The following ARHGEF17 variants were observed in gnomAD, a reference collection of about 807,000 sequenced individuals.
ARHGEF17 encodes the protein 164 kDa Rho-specific guanine-nucleotide exchange factor.
ARHGEF17 carries 80 observed loss-of-function variants against 174.0 expected under a neutral mutation model. That is an observed-to-expected ratio of 0.46 (90% CI 0.38 to 0.55). The LOEUF (loss-of-function observed/expected upper bound fraction) is 0.55. Ranked by LOEUF, ARHGEF17 falls within the 20% of genes least tolerant of loss-of-function variation. The pLI, the probability that ARHGEF17 is intolerant of heterozygous loss-of-function variation, is 0.00. For missense variants in ARHGEF17, 2,886 were observed against 2,839.7 expected (o/e 1.02, Z -0.37); for synonymous variants, 1,311 against 1,189.1 (o/e 1.10, Z -2.11).
Position 73,311,576 on chromosome 11 carries a change from C to A in ARHGEF17, c.2938C>A (p.Pro980Thr), listed in dbSNP as rs1298226323. 6.2e-7 allele frequency: 1 copy of A among 1,613,622 alleles called. No individual in the cohort carries two copies. Among genetic ancestry groups the A allele is most frequent in the African/African-American group, 1.3e-5 (1 of 75,042 alleles). Residue 980 changes from proline to threonine, a missense_variant, in exon 1 of 21, where the codon CCC becomes ACC. Physicochemically the swap from Pro to Thr is conservative, Grantham distance 38. Transcript: ENST00000263674. The stretch of plus-strand genomic sequence containing the variant: ...GCCTGAGCCACCAACTTCTGTTGGT[C>A]CCCCTGTGGCTGTGCCAGAACCCAT... ...VVPEPPTSVGPPVAVPEPIGF... is the reference protein window; with the variant it reads ...VVPEPPTSVGTPVAVPEPIGF...
At position 73,362,458 on chromosome 11, in the gene ARHGEF17, C is replaced by T. The variant is rs1007519319; in HGVS notation, c.4720C>T (p.Pro1574Ser). The change falls in exon 14 of 21, where the codon CCT becomes TCT. Residue 1574 changes from proline (P) to serine (S), a missense_variant. Physicochemically the swap from Pro to Ser is moderately conservative, Grantham distance 74. This residue lies in a region of ARHGEF17 where 476 missense variants were observed against 473.1 expected (regional missense o/e 1.01). Transcript: ENST00000263674. ...HREPPPSLRS[P>S]PETAPEPAGP... ...GGAGCCTCCTCCGTCGCTGAGGAGT[C>T]CTCCAGAGACGGCACCGGAGCCCGC... 4.4e-6 allele frequency: 7 copies of T among 1,583,576 alleles called. No individual in the cohort carries two copies. The highest frequency in any genetic ancestry group is 1.3e-5 in the African/African-American group (1 of 74,512).
chr11:73,342,502 T>C (rs962000151), intron 1 of ARHGEF17, among the ~76,000 whole-genome samples: 11 of 152,150 alleles, frequency 7.2e-5, no homozygotes, highest in Non-Finnish European at 1.6e-4. Flanking sequence ...CATGTTCGTT[T>C]CTGTCAAGGT....
In ARHGEF17 at chr11:73,367,975, C is replaced by A; in HGVS notation, c.*195C>A. 2 of 582,982 alleles carry A rather than the reference C, an allele frequency of 3.4e-6. No homozygotes were observed. Among genetic ancestry groups the A allele is most frequent in the South Asian group, 2.5e-5 (1 of 40,194 alleles). The allele number at this position is 582,982 out of a possible 1,614,324, so 36.1% of individuals were successfully genotyped here. On this transcript the variant is annotated 3_prime_UTR_variant, in exon 21 of 21. Transcript: ENST00000263674. Reference sequence around the variant, plus strand: ...CCAGCCAGGCCATGGCTTCTCCCGACCCTCTGGCTGCCCCGGTGCTTCCAG... The same window carrying A: ...CCAGCCAGGCCATGGCTTCTCCCGAACCTCTGGCTGCCCCGGTGCTTCCAG...
Position 73,355,520 on chromosome 11 carries a change from T to C in ARHGEF17, c.3454-13T>C, listed in dbSNP as rs780529438. ...ACACCTTGAGGGTCCCCAACCTGCCTCCTCCTCCACAGTTCTCCAAGGATG... is the reference window on the plus strand; with the variant it reads ...ACACCTTGAGGGTCCCCAACCTGCCCCCTCCTCCACAGTTCTCCAAGGATG... On this transcript the variant is annotated splice_polypyrimidine_tract_variant and intron_variant, in intron 3 of 20. Transcript: ENST00000263674. 9 of 1,602,732 alleles carry C rather than the reference T, an allele frequency of 5.6e-6. No homozygotes were observed. The highest frequency in any genetic ancestry group is 7.7e-6 in the Non-Finnish European group (9 of 1,169,692).
chr11:73,332,554 G>C (rs142005925), intron 1 of ARHGEF17, among the ~76,000 whole-genome samples: 18 of 152,294 alleles, frequency 1.2e-4, no homozygotes, highest in African/African-American at 3.8e-4. Context: ...CCTTGAGGTT[G>C]TCGCCAGTTT....
At chr11:73,366,342 C>T (rs1040611080) in intron 20 of ARHGEF17, among the ~76,000 whole-genome samples, 1 of 152,146 alleles carries the variant, frequency 6.6e-6, no homozygotes, top group Admixed American at 6.5e-5. Flanking sequence ...GAAGTGGAAT[C>T]AGGAAGTGAT....
At position 73,343,744 on chromosome 11, in the gene ARHGEF17, C is replaced by G. The variant is rs554887661; in HGVS notation, c.3193-3139C>G. On this transcript the variant is annotated intron_variant, in intron 1 of 20. Transcript: ENST00000263674. ...CCCGTTCTCGCTCAGTGTGTGTACC[C>G]CTGCAGGGGAGGGGAGGCGTCTTGG... 1.1e-4 allele frequency among the ~76,000 whole-genome samples: 16 copies of G among 152,236 alleles called. No individual in the cohort carries two copies. In the South Asian group the frequency reaches 3.3e-3, roughly 32 times the overall value.
In ARHGEF17 at chr11:73,311,810, T is replaced by A; in HGVS notation, c.3172T>A (p.Cys1058Ser). ...PADEPTPASKCCSKPQVDMRK... is the reference protein window; with the variant it reads ...PADEPTPASKSCSKPQVDMRK... ...AGATGAGCCTACCCCTGCCAGCAAGTGCTGCAGCAAGCCACAGGTGGTGAG... is the reference window on the plus strand; with the variant it reads ...AGATGAGCCTACCCCTGCCAGCAAGAGCTGCAGCAAGCCACAGGTGGTGAG... Residue 1058 changes from cysteine to serine, a missense_variant, in exon 1 of 21, where the codon TGC (cysteine) becomes AGC (serine). Around this residue, in one of 4 missense-constraint regions of ARHGEF17, gnomAD observed 353 missense variants for 470.3 expected, o/e 0.75. Transcript: ENST00000263674. 3.1e-6 allele frequency: 5 copies of A among 1,604,394 alleles called. No homozygotes were observed. Among genetic ancestry groups the A allele is most frequent in the Non-Finnish European group, 4.3e-6 (5 of 1,173,214 alleles).
chr11:73,356,713 A>G lies in ARHGEF17; in HGVS notation c.3845A>G (p.Gln1282Arg), dbSNP rs1865647732. ...EAHIEGMEDL[Q>R]APLRRFLRQE... ...CTTGTCCCTCCTGTCCCACAGCTCC[A>G]GGCCCCTCTGCGGCGGTTCCTGAGA... Residue 1282 changes from glutamine (Q) to arginine (R), a missense_variant, in exon 7 of 21, where the codon CAG becomes CGG. Gln to Arg is a conservative substitution (Grantham distance 43). Coordinates refer to ENST00000263674, the MANE Select transcript of ARHGEF17 (RefSeq NM_014786.4). 1.2e-6 allele frequency: 2 copies of G among 1,613,980 alleles called. No homozygotes were observed. Among genetic ancestry groups the G allele is most frequent in the South Asian group, 2.2e-5 (2 of 91,078 alleles).
At position 73,310,451 on chromosome 11, in the gene ARHGEF17, A is replaced by G. The variant is rs1565184301; in HGVS notation, c.1813A>G (p.Met605Val). Reference protein sequence around the residue: ...ARQVFEKIQRMGAQQDDGSDA... With the variant: ...ARQVFEKIQRVGAQQDDGSDA... ...CCAGGTTTTTGAGAAGATCCAGCGC[A>G]TGGGTGCCCAACAAGATGATGGAAG... The change falls in exon 1 of 21, where the codon ATG becomes GTG. Residue 605 changes from methionine (M) to valine (V), a missense_variant. Around this residue, in one of 4 missense-constraint regions of ARHGEF17, gnomAD observed 1,728 missense variants for 1,461.2 expected, o/e 1.18. Transcript: ENST00000263674. 4 of 1,614,002 alleles carry G rather than the reference A, an allele frequency of 2.5e-6. No homozygotes were observed. The highest frequency in any genetic ancestry group is 4.5e-5 in the East Asian group (2 of 44,874).
chr11:73,342,597 C>G (rs1270348471), intron 1 of ARHGEF17, among the ~76,000 whole-genome samples: 1 of 152,064 alleles, frequency 6.6e-6, no homozygotes, highest in African/African-American at 2.4e-5. Flanking sequence ...GGGCAGGTTT[C>G]CATGAACGTG....
chr11:73,331,713 A>G (rs1417806742), intron 1 of ARHGEF17, among the ~76,000 whole-genome samples: 1 of 152,108 alleles, frequency 6.6e-6, no homozygotes, highest in Non-Finnish European at 1.5e-5. Context: ...GCTGCCAACA[A>G]ATGCTACTCT....
Position 73,360,017 on chromosome 11 carries a change from A to G in ARHGEF17, c.4206+65A>G, listed in dbSNP as rs113173052. 2.3e-5 allele frequency: 32 copies of G among 1,414,568 alleles called. No homozygotes were observed. The African/African-American group carries it at 2.4e-4, about 11-fold the overall frequency. The allele number at this position is 1,414,568 out of a possible 1,614,324, so 87.6% of individuals were successfully genotyped here. ...GGAGGCTTCTGACCCTGTCTGAGAG[A>G]TAGACAGCCCTGACATTTGCCTGAG... is the stretch of plus-strand genomic sequence containing the variant. On this transcript the variant is annotated intron_variant, in intron 10 of 20. Transcript: ENST00000263674.
rs1292959176 is a variant in ARHGEF17, at chr11:73,368,472, GCTGA to G, written c.*695_*698del. Reference sequence around the variant, plus strand: ...TGCCCTCAGTCCTCTAGATCAAGATGCTGACTATTAGGGGGCAGTGATTGCCATC... The same window carrying G: ...TGCCCTCAGTCCTCTAGATCAAGATGCTATTAGGGGGCAGTGATTGCCATC... On this transcript the variant is annotated 3_prime_UTR_variant, in exon 21 of 21. Coordinates refer to ENST00000263674, the MANE Select transcript of ARHGEF17 (RefSeq NM_014786.4). 6.6e-6 allele frequency: 1 copy of G among 152,158 alleles called. No individual in the cohort carries two copies. Among genetic ancestry groups the G allele is most frequent in the East Asian group, 1.9e-4 (1 of 5,194 alleles). 9.4% of individuals were successfully genotyped at this position (152,158 alleles called of 1,614,324 possible). A position where few individuals can be genotyped will look rare whatever the true frequency, so the allele number is the denominator to read the frequency against.
At chr11:73,325,619 G>A (rs913034759) in intron 1 of ARHGEF17, among the ~76,000 whole-genome samples, 3 of 152,214 alleles carry the variant, frequency 2.0e-5, no homozygotes, top group Non-Finnish European at 4.4e-5. Context: ...AAAGACATCT[G>A]TACAGATATC....
chr11:73,360,961 G>A, intron 11 of ARHGEF17, 127 bp from the exon 12 acceptor site: 1 of 713,214 alleles, frequency 1.4e-6, no homozygotes, highest in Non-Finnish European at 2.4e-6. Context: ...AATGTGGCTG[G>A]GATCAGGCCT....
rs888907496 is a variant in ARHGEF17, at chr11:73,309,662, C to T, written c.1024C>T (p.Arg342Trp). Reference sequence around the variant, plus strand: ...AAGAGCCCCTAGAGAAGAAGGACTCCGGGAGTGGGGTAGTGGCTCTCCGCC... The same window carrying T: ...AAGAGCCCCTAGAGAAGAAGGACTCTGGGAGTGGGGTAGTGGCTCTCCGCC... ...SPRAPREEGLREWGSGSPPCV... is the reference protein window; with the variant it reads ...SPRAPREEGLWEWGSGSPPCV... The change falls in exon 1 of 21, where the codon CGG (arginine) becomes TGG (tryptophan). Residue 342 changes from arginine (R) to tryptophan (W), a missense_variant. Physicochemically the swap from Arg to Trp is moderately radical, Grantham distance 101. This residue lies in a region of ARHGEF17 where 1,728 missense variants were observed against 1,461.2 expected (regional missense o/e 1.18). Coordinates refer to ENST00000263674, the MANE Select transcript of ARHGEF17 (RefSeq NM_014786.4). 10 of 1,612,968 alleles carry T rather than the reference C, an allele frequency of 6.2e-6. No individual in the cohort carries two copies. In the Admixed American group the frequency reaches 1.5e-4, roughly 24 times the overall value.
intron 1 of ARHGEF17, among the ~76,000 whole-genome samples, chr11:73,329,409 T>TG: frequency 8.5e-6 from 1 of 118,064 alleles, no homozygotes; most frequent in Admixed American, 7.9e-5. Context: ...GTTTTTGTTT[T>TG]TTTTTTTTGA....
Position 73,364,179 on chromosome 11 carries a change from A to G in ARHGEF17, c.5341A>G (p.Asn1781Asp). The change falls in exon 17 of 21, where the codon AAT becomes GAT. Residue 1781 changes from asparagine to aspartate, a missense_variant. Around this residue, in one of 4 missense-constraint regions of ARHGEF17, gnomAD observed 329 missense variants for 435.2 expected, o/e 0.76. Coordinates refer to ENST00000263674, the MANE Select transcript of ARHGEF17 (RefSeq NM_014786.4). ...CCTCTTTTCCCTACCCAGGTATCTG[A>G]ATAACCAGGTGTTTGTGTCTCTGGC... is the stretch of plus-strand genomic sequence containing the variant. ...AASVTCILYLNNQVFVSLANG... is the reference protein window; with the variant it reads ...AASVTCILYLDNQVFVSLANG... The G allele has an allele frequency of 6.2e-7, 1 of 1,614,092 alleles. No individual in the cohort carries two copies. Among genetic ancestry groups the G allele is most frequent in the Non-Finnish European group, 8.5e-7 (1 of 1,180,020 alleles).
Sources: gnomAD v4.1 joint callset for allele counts (sites outside exome capture counted in the v4.1 genomes callset) on GRCh38, gnomAD v4.1.1 for gene constraint, gnomAD v4.1.1 regional missense constraint, MANE v1.5 for transcripts, NCBI Gene and HGNC (gene_info 2026-07-23, HGNC 2026-07-21) for gene names.